The following TF variants were observed in gnomAD, a reference collection of about 807,000 sequenced individuals.
The protein encoded by TF is transferrin.
TF carries 55 observed loss-of-function variants against 82.4 expected under a neutral mutation model. The observed-to-expected ratio is 0.67, with a 90% CI of 0.54 to 0.84. The LOEUF (loss-of-function observed/expected upper bound fraction) is 0.84, where lower values mean the gene tolerates loss of function less well. Among genes scored for constraint, TF ranks in the 40% least tolerant of loss-of-function variants. TF has a pLI of 0.00. For missense variants in TF, 737 were observed against 868.4 expected (o/e 0.85, Z 1.90); for synonymous variants, 332 against 332.6 (o/e 1.00, Z 0.02).
chr3:133,710,792 GC>G, the TF span, among the ~76,000 whole-genome samples: 1 of 151,638 alleles, frequency 6.6e-6, no homozygotes, highest in Admixed American at 6.6e-5. Flanking sequence ...TTTAAAATTG[GC>G]CCCCCCACAA....
the TF span, among the ~76,000 whole-genome samples, chr3:133,734,688 T>C: frequency 6.6e-6 from 1 of 152,284 alleles, no homozygotes; most frequent in Non-Finnish European, 1.5e-5. Flanking sequence ...GTAGTACTAA[T>C]TCATTCTGTG....
chr3:133,791,863 T>C lies in TF; in HGVS notation c.*13243T>C, dbSNP rs1322239973. 6.6e-6 allele frequency: 1 copy of C among 152,216 alleles called. No individual in the cohort carries two copies. The highest frequency in any genetic ancestry group is 1.5e-5 in the Non-Finnish European group (1 of 68,032). 9.4% of individuals were successfully genotyped at this position (152,216 alleles called of 1,614,324 possible). ...GTTGTGTGTGTACTATAAAAGAGCA[T>C]TAATTAATTAGCTTAATAATAATAA... On this transcript the variant is annotated 3_prime_UTR_variant, in exon 17 of 17. Transcript: ENST00000402696.
At chr3:133,718,500 G>T in the TF span, among the ~76,000 whole-genome samples, 1 of 152,170 alleles carries the variant, frequency 6.6e-6, no homozygotes, top group Non-Finnish European at 1.5e-5. Flanking sequence ...GTCAGTGTAT[G>T]AATGTTGTGG....
chr3:133,772,599 C>T (rs1018472370), intron 14 of TF, among the ~76,000 whole-genome samples: 3 of 152,186 alleles, frequency 2.0e-5, no homozygotes, highest in Admixed American at 6.5e-5. Flanking sequence ...TGTCAACGTT[C>T]CCTCCTCTTC....
chr3:133,678,242 T>G, the TF span, among the ~76,000 whole-genome samples: 4 of 152,270 alleles, frequency 2.6e-5, no homozygotes, highest in East Asian at 7.7e-4. Context: ...TGCCACATTT[T>G]CTTAATCCAG....
chr3:133,716,067 C>G, the TF span, among the ~76,000 whole-genome samples: 1 of 152,204 alleles, frequency 6.6e-6, no homozygotes, highest in African/African-American at 2.4e-5. Context: ...CTCCCTTCCC[C>G]CTCCTGACAC....
chr3:133,767,941 T>C, intron 12 of TF, 88 bp from the exon 13 acceptor site: 1 of 1,511,062 alleles, frequency 6.6e-7, no homozygotes, highest in African/African-American at 1.4e-5. Flanking sequence ...TTCTACTTAT[T>C]ATGGGCCATG....
the TF span, among the ~76,000 whole-genome samples, chr3:133,681,363 C>T: frequency 5.1e-3 from 779 of 152,320 alleles, 3 homozygotes; most frequent in Non-Finnish European, 8.7e-3. Context: ...GCAGGACAGT[C>T]GGTGCAGCCC....
At chr3:133,724,580 G>A in the TF span, among the ~76,000 whole-genome samples, 16 of 152,114 alleles carry the variant, frequency 1.1e-4, no homozygotes, top group South Asian at 2.1e-4. Flanking sequence ...AGTCGGTTGC[G>A]AAAATTTTCT....
chr3:133,769,163 A>G (rs1467797639), intron 13 of TF, among the ~76,000 whole-genome samples: 1 of 152,166 alleles, frequency 6.6e-6, no homozygotes, highest in Non-Finnish European at 1.5e-5. Flanking sequence ...GAATCCATGA[A>G]CTGCACAATG....
At chr3:133,706,858 C>G in the TF span, among the ~76,000 whole-genome samples, 1 of 152,154 alleles carries the variant, frequency 6.6e-6, no homozygotes, top group Non-Finnish European at 1.5e-5. Flanking sequence ...CAGCAGCTCC[C>G]CTTCCTGTGT....
rs1007746069 is a variant in TF at position 133,784,508 on chromosome 3, A to G, written c.*5888A>G. ...TAATAATAATAATAATAATAATAAT[A>G]GGACATAAATGGCTTCTGGAGATGA... On this transcript the variant is annotated 3_prime_UTR_variant, in exon 17 of 17. Transcript: ENST00000402696. The G allele has an allele frequency of 7.5e-4, 113 of 151,150 alleles. No individual in the cohort carries two copies. Among genetic ancestry groups the G allele is most frequent in the African/African-American group, 2.6e-3 (107 of 41,262 alleles). The allele number at this position is 151,150 out of a possible 1,614,324, so 9.4% of individuals were successfully genotyped here. A position where few individuals can be genotyped will look rare whatever the true frequency, so the allele number is the denominator to read the frequency against.
In TF at chr3:133,781,590, C is replaced by G. The variant is rs1194440632; in HGVS notation, c.*2970C>G. 1.3e-5 allele frequency: 2 copies of G among 152,066 alleles called. No individual in the cohort carries two copies. The highest frequency in any genetic ancestry group is 6.6e-5 in the Admixed American group (1 of 15,260). 9.4% of individuals were successfully genotyped at this position (152,066 alleles called of 1,614,324 possible). A position where few individuals can be genotyped will look rare whatever the true frequency, so the allele number is the denominator to read the frequency against. On this transcript the variant is annotated 3_prime_UTR_variant, in exon 17 of 17. Transcript: ENST00000402696. ...ACTCAGTATTGTAAAGATGTCAATTCTCCCTAAATTAATCAATATACAATT... is the reference window on the plus strand; with the variant it reads ...ACTCAGTATTGTAAAGATGTCAATTGTCCCTAAATTAATCAATATACAATT...
At chr3:133,704,629 T>C in the TF span, among the ~76,000 whole-genome samples, 113,554 of 152,104 alleles carry the variant, frequency 0.75, 42,872 homozygotes, top group Non-Finnish European at 0.81. Context: ...TTCAGGAAAA[T>C]GGGTCTGATG....
the TF span, among the ~76,000 whole-genome samples, chr3:133,740,377 A>G: frequency 6.6e-6 from 1 of 152,124 alleles, no homozygotes; most frequent in Non-Finnish European, 1.5e-5. Flanking sequence ...AGAAATACCT[A>G]ATGTGGCATG....
At chr3:133,749,672 G>A (rs1658052150) in intron 2 of TF, among the ~76,000 whole-genome samples, 1 of 152,186 alleles carries the variant, frequency 6.6e-6, no homozygotes, top group African/African-American at 2.4e-5. Context: ...CATATGCAAA[G>A]GGCCTGAGGC....
At chr3:133,696,578 A>T in the TF span, among the ~76,000 whole-genome samples, 2 of 152,222 alleles carry the variant, frequency 1.3e-5, no homozygotes, top group African/African-American at 4.8e-5. Context: ...TTACCATCTA[A>T]TAAAACAAGT....
rs953307764 is a variant in TF, at chr3:133,783,202, G to A, written c.*4582G>A. On this transcript the variant is annotated 3_prime_UTR_variant, in exon 17 of 17. Transcript: ENST00000402696. Reference sequence around the variant, plus strand: ...GTTGTATACCTTAAATATATTCAACGAAGCTTATTTTAAAAAATGAAATGT... The same window carrying A: ...GTTGTATACCTTAAATATATTCAACAAAGCTTATTTTAAAAAATGAAATGT... The A allele has an allele frequency of 1.3e-5, 2 of 151,982 alleles. No homozygotes were observed. The highest frequency in any genetic ancestry group is 4.8e-5 in the African/African-American group (2 of 41,336). 9.4% of individuals were successfully genotyped at this position (151,982 alleles called of 1,614,324 possible). A position where few individuals can be genotyped will look rare whatever the true frequency, so the allele number is the denominator to read the frequency against.
the TF span, among the ~76,000 whole-genome samples, chr3:133,734,010 C>A: frequency 1.3e-5 from 2 of 152,106 alleles, no homozygotes; most frequent in Non-Finnish European, 2.9e-5. Flanking sequence ...GAGCAAAGAG[C>A]TGAAAATAGT....
Sources: allele counts gnomAD v4.1 joint callset (sites outside exome capture counted in the v4.1 genomes callset), GRCh38; gene constraint gnomAD v4.1.1; transcripts MANE v1.5; gene names NCBI Gene and HGNC (gene_info 2026-07-23, HGNC 2026-07-21).